RUNX1: variants seen among roughly 807,000 people sequenced by gnomAD.
RUNX1 encodes RUNX family transcription factor 1, also known as runt-related transcription factor 1.
Under a neutral mutation model 42.8 loss-of-function variants are expected in RUNX1, and 19 were observed. The ratio of observed to expected loss-of-function variants is 0.44; its 90% CI spans 0.31 to 0.65. The LOEUF (loss-of-function observed/expected upper bound fraction) is 0.65, where lower values mean the gene tolerates loss of function less well. RUNX1 is among the 30% of genes least tolerant of loss of function. The pLI, the probability that RUNX1 is intolerant of heterozygous loss-of-function variation, is 0.07. For synonymous variants in RUNX1, 271 were observed against 289.4 expected, an observed-to-expected ratio of 0.94 and a Z score of 0.64; for missense variants, 528 against 672.0, an observed-to-expected ratio of 0.79 and a Z score of 2.37.
intron 2 of RUNX1, among the ~76,000 whole-genome samples, chr21:35,000,327 G>T (rs756169375): frequency 2.9e-5 from 4 of 139,082 alleles, no homozygotes; most frequent in Admixed American, 7.9e-5. Flanking sequence ...TGCAAACTCC[G>T]CCTCCCGGGT....
intron 2 of RUNX1, among the ~76,000 whole-genome samples, chr21:35,030,523 G>T (rs1176593315): frequency 6.6e-6 from 1 of 152,072 alleles, no homozygotes; most frequent in African/African-American, 2.4e-5. Context: ...GAGATAAAAT[G>T]TTAAAGAAAA....
chr21:34,808,818 G>A (rs1413744356), intron 7 of RUNX1, among the ~76,000 whole-genome samples: 1 of 152,158 alleles, frequency 6.6e-6, no homozygotes, highest in Non-Finnish European at 1.5e-5. Flanking sequence ...TAGGCAGAGT[G>A]CTTTTGGAGG....
chr21:34,981,476 G>A (rs2058846111), intron 2 of RUNX1, among the ~76,000 whole-genome samples: 1 of 152,176 alleles, frequency 6.6e-6, no homozygotes, highest in Admixed American at 6.6e-5. Context: ...GAAGCCTGGT[G>A]CCAAGGAATA....
chr21:34,801,187 T>C (rs1432214358), intron 7 of RUNX1, among the ~76,000 whole-genome samples: 1 of 151,914 alleles, frequency 6.6e-6, no homozygotes, highest in Non-Finnish European at 1.5e-5. Context: ...AGTGAATATA[T>C]AGTACTCCAA....
intron 6 of RUNX1, among the ~76,000 whole-genome samples, chr21:34,844,480 A>G (rs903461416): frequency 6.6e-6 from 1 of 151,938 alleles, no homozygotes; most frequent in African/African-American, 2.4e-5. Context: ...AGCAGATCTC[A>G]TACATAATGG....
intron 2 of RUNX1, among the ~76,000 whole-genome samples, chr21:35,047,559 A>ACCCTCTCT (rs1271931704): frequency 1.6e-5 from 1 of 64,272 alleles, no homozygotes; most frequent in Admixed American, 1.6e-4. Context: ...ACACACACAC[A>ACCCTCTCT]CACTCTCTCT....
intron 7 of RUNX1, among the ~76,000 whole-genome samples, chr21:34,810,373 A>G (rs1569017103): frequency 6.6e-6 from 1 of 152,254 alleles, no homozygotes; most frequent in Non-Finnish European, 1.5e-5. Context: ...GCATTCTAAT[A>G]AAATCAGAAG....
chr21:34,926,783 G>C (rs537551217), intron 2 of RUNX1, among the ~76,000 whole-genome samples: 74 of 152,230 alleles, frequency 4.9e-4, no homozygotes, highest in African/African-American at 1.3e-3. Context: ...AGCACAGGAA[G>C]AATGGTGAAA....
chr21:34,900,591 C>A (rs2058169245), intron 2 of RUNX1, among the ~76,000 whole-genome samples: 1 of 152,170 alleles, frequency 6.6e-6, no homozygotes, highest in South Asian at 2.1e-4. Context: ...GTTGCAAAGG[C>A]CTACTAACCA....
Position 34,901,619 on chromosome 21 carries a change from G to GACA in RUNX1, c.59-8657_59-8656insTGT, listed in dbSNP as rs938564172. On this transcript the variant is annotated intron_variant, in intron 2 of 8. Transcript: ENST00000675419. The surrounding 1 kb of genome is among the most constrained non-coding windows in gnomAD (Gnocchi z 4.3). ...AACGTGTGGACCCTGGAAAGGGTGT[G>GACA]AGCCCTTCTCCACATTCTCTTTGGT... Among the ~76,000 whole-genome samples the GACA allele has an allele frequency of 1.3e-5, 2 of 152,292 alleles. No individual in the cohort carries two copies. Among genetic ancestry groups the GACA allele is most frequent in the African/African-American group, 2.4e-5 (1 of 41,548 alleles).
intron 7 of RUNX1, among the ~76,000 whole-genome samples, chr21:34,813,186 C>A (rs921992251): frequency 3.3e-5 from 5 of 152,068 alleles, no homozygotes; most frequent in African/African-American, 4.8e-5. Flanking sequence ...TCATCTAGTA[C>A]GTGGAGGCCA....
At chr21:34,953,549 T>C (rs568662253) in intron 2 of RUNX1, among the ~76,000 whole-genome samples, 2 of 152,286 alleles carry the variant, frequency 1.3e-5, no homozygotes, top group South Asian at 4.1e-4. Context: ...ATAAGGAGTC[T>C]AGGTTTTTGA....
At chr21:34,989,843 C>T (rs1453577680) in intron 2 of RUNX1, among the ~76,000 whole-genome samples, 1 of 152,132 alleles carries the variant, frequency 6.6e-6, no homozygotes, top group African/African-American at 2.4e-5. Flanking sequence ...TTCTGCAGGC[C>T]CTAGAGACTC....
chr21:34,810,727 C>T (rs933308242), intron 7 of RUNX1, among the ~76,000 whole-genome samples: 2 of 152,120 alleles, frequency 1.3e-5, no homozygotes, highest in African/African-American at 4.8e-5. Context: ...CCCCTCTGCC[C>T]GATATTGTCA....
chr21:34,894,922 C>CAT (rs1555901346), intron 2 of RUNX1, among the ~76,000 whole-genome samples: 46 of 139,114 alleles, frequency 3.3e-4, no homozygotes, highest in Non-Finnish European at 3.9e-4. Flanking sequence ...CACACACACA[C>CAT]ACACACATAT....
intron 2 of RUNX1, among the ~76,000 whole-genome samples, chr21:34,997,601 G>A (rs990594621): frequency 5.3e-5 from 8 of 152,224 alleles, no homozygotes; most frequent in African/African-American, 1.9e-4. Context: ...ATAGATGATA[G>A]AACTGTTGCT....
At chr21:34,828,454 C>T (rs939806186) in intron 7 of RUNX1, among the ~76,000 whole-genome samples, 3 of 152,182 alleles carry the variant, frequency 2.0e-5, no homozygotes, top group African/African-American at 7.2e-5. Context: ...TTAGACAAGA[C>T]TTTGGACTTT....
chr21:34,829,513 G>C (rs1256787509), intron 7 of RUNX1, among the ~76,000 whole-genome samples: 3 of 151,996 alleles, frequency 2.0e-5, no homozygotes, highest in Admixed American at 2.0e-4. Context: ...TGTTGTCGGG[G>C]TAAGATTATA....
At chr21:34,813,910 A>G (rs1361473392) in intron 7 of RUNX1, among the ~76,000 whole-genome samples, 1 of 152,178 alleles carries the variant, frequency 6.6e-6, no homozygotes, top group East Asian at 1.9e-4. Context: ...TCTCCACAGC[A>G]GATAGCAACA....
Sources: allele counts gnomAD v4.1 joint callset (sites outside exome capture counted in the v4.1 genomes callset), GRCh38; gene constraint gnomAD v4.1.1; non-coding constraint Gnocchi (gnomAD v3.1); transcripts MANE v1.5; gene names NCBI Gene and HGNC (gene_info 2026-07-23, HGNC 2026-07-21).